Variants in STRIP1 observed in about 807,000 individuals in gnomAD.
STRIP1 encodes the protein striatin interacting protein 1.
A neutral mutation model predicts 106.2 loss-of-function variants in STRIP1; 63 were observed. The observed-to-expected ratio is 0.59, with a 90% CI of 0.48 to 0.73. The LOEUF (loss-of-function observed/expected upper bound fraction) is 0.73. STRIP1 is among the 30% of genes least tolerant of loss of function. The pLI is 0.00. For synonymous variants in STRIP1, 390 were observed against 413.0 expected, an observed-to-expected ratio of 0.94 and a Z score of 0.67; for missense variants, 857 against 1,074.8, an observed-to-expected ratio of 0.80 and a Z score of 2.83.
intron 19 of STRIP1, 90 bp from the exon 20 acceptor site, chr1:110,051,593 A>G: frequency 7.6e-7 from 1 of 1,319,926 alleles, no homozygotes; most frequent in Non-Finnish European, 1.1e-6. Flanking sequence ...CCTGACAGTA[A>G]CTTCCAAAGG....
rs571952050 is a variant in STRIP1, at chr1:110,052,721, C to T, written c.2266+834C>T. 5.9e-5 allele frequency among the ~76,000 whole-genome samples: 9 copies of T among 152,252 alleles called. No homozygotes were observed. In the South Asian group the frequency reaches 1.0e-3, roughly 18 times the overall value. On this transcript the variant is annotated intron_variant, in intron 20 of 20. Coordinates refer to ENST00000369795, the MANE Select transcript of STRIP1 (RefSeq NM_033088.4). ...CTGGCCTCAAGAGATGCACCCACCT[C>T]GGCCTCCCAAAGTGCTGGGATTACA...
rs572525280 is a variant in STRIP1 at position 110,047,534 on chromosome 1, G to A, written c.1489-8G>A. Reference sequence around the variant, plus strand: ...GGGGTTTTATGCTTGTACTCATTATGTTAAAAGGGAGAAGAAGAAGTTGAG... The same window carrying A: ...GGGGTTTTATGCTTGTACTCATTATATTAAAAGGGAGAAGAAGAAGTTGAG... On this transcript the variant is annotated splice_region_variant and splice_polypyrimidine_tract_variant and intron_variant, in intron 13 of 20. Coordinates refer to ENST00000369795, the MANE Select transcript of STRIP1 (RefSeq NM_033088.4). 733 of 1,609,070 alleles carry A rather than the reference G, an allele frequency of 4.6e-4. 13 individuals are homozygous for A. The South Asian group carries it at 7.7e-3, about 17-fold the overall frequency.
At chr1:110,043,974 C>G in intron 10 of STRIP1, 118 bp downstream of exon 10, 1 of 969,734 alleles carries the variant, frequency 1.0e-6, no homozygotes, top group South Asian at 1.4e-5. Flanking sequence ...CTGACCGTGG[C>G]TCTGGGATGA....
rs1358287703 is a variant in STRIP1, at chr1:110,053,722, T to C, written c.2324T>C (p.Ile775Thr). Reference sequence around the variant, plus strand: ...GAGGAGTGTGCCCTTCGTGCCAACATTGAACGCTTCAACGCCCGGCGCTAT... The same window carrying C: ...GAGGAGTGTGCCCTTCGTGCCAACACTGAACGCTTCAACGCCCGGCGCTAT... The part of the protein sequence containing the change: ...QAEECALRAN[I>T]ERFNARRYDR... The change falls in exon 21 of 21, where the codon ATT becomes ACT. Residue 775 changes from isoleucine to threonine, a missense_variant. Ile to Thr is a moderately conservative substitution (Grantham distance 89). This residue lies in a region of STRIP1 where 750 missense variants were observed against 989.8 expected (regional missense o/e 0.76). Coordinates refer to ENST00000369795, the MANE Select transcript of STRIP1 (RefSeq NM_033088.4). 1.2e-6 allele frequency: 2 copies of C among 1,614,078 alleles called. No individual in the cohort carries two copies. The highest frequency in any genetic ancestry group is 1.7e-5 in the Admixed American group (1 of 60,028).
intron 17 of STRIP1, 192 bp downstream of exon 17, chr1:110,049,752 C>G: frequency 1.8e-6 from 1 of 564,960 alleles, no homozygotes; most frequent in Non-Finnish European, 3.1e-6. Flanking sequence ...TCTAGCTAGT[C>G]CTGCCCCAGG....
chr1:110,044,882 A>AT lies in STRIP1; in HGVS notation c.1332dup (p.Ile445TyrfsTer8). The AT allele has an allele frequency of 6.2e-7, 1 of 1,614,124 alleles. No homozygotes were observed. The highest frequency in any genetic ancestry group is 8.5e-7 in the Non-Finnish European group (1 of 1,180,034). ...TGTTCCTTGAGTCCAGCCGCAGCAA[A>AT]TTTATAGGTTACACTCTAGGCAGGT... On this transcript the variant is annotated frameshift_variant, in exon 11 of 21. Transcript: ENST00000369795. LOFTEE classifies it high-confidence loss of function.
chr1:110,040,718 A>C lies in STRIP1; in HGVS notation c.650+15A>C, dbSNP rs1276502156. ...ACAGACCTCAGGTGAGGCGAGCAGC[A>C]AGCCTGGGCTCCTGAGCGTTAGTCA... On this transcript the variant is annotated intron_variant, in intron 6 of 20. Transcript: ENST00000369795. 3 of 1,604,664 alleles carry C rather than the reference A, an allele frequency of 1.9e-6. No individual in the cohort carries two copies.
intron 12 of STRIP1, chr1:110,045,479 TAAAAAAAAAAAAAA>T (rs778489038): frequency 9.7e-6 from 1 of 102,936 alleles, no homozygotes; most frequent in African/African-American, 3.7e-5. Flanking sequence ...CCGGATTCTT[TAAAAAAAAAAAAAA>T]AAAAAAAAAG....
rs373115848 is a variant in STRIP1 at position 110,037,973 on chromosome 1, C to T, written c.250+13C>T. ...GCAGAGCTCTCGGGTAACGCACAGA[C>T]CTTTGTGTTATTTGGGGGTGGTTTT... On this transcript the variant is annotated intron_variant, in intron 2 of 20. Coordinates refer to ENST00000369795, the MANE Select transcript of STRIP1 (RefSeq NM_033088.4). The T allele has an allele frequency of 1.3e-6, 2 of 1,584,188 alleles. No homozygotes were observed. Among genetic ancestry groups the T allele is most frequent in the African/African-American group, 1.4e-5 (1 of 73,668 alleles).
upstream of STRIP1, among the ~76,000 whole-genome samples, chr1:110,034,198 G>C (rs1421131884): frequency 6.6e-6 from 1 of 152,172 alleles, no homozygotes; most frequent in East Asian, 1.9e-4. Flanking sequence ...CCACTGCTTG[G>C]TGCACAGGAG....
In STRIP1 at chr1:110,050,943, G is replaced by T; in HGVS notation, c.1957-13G>T. 1 of 1,511,514 alleles carries T rather than the reference G, an allele frequency of 6.6e-7. No individual in the cohort carries two copies. The allele number at this position is 1,511,514 out of a possible 1,614,324, so 93.6% of individuals were successfully genotyped here. On this transcript the variant is annotated splice_polypyrimidine_tract_variant and intron_variant, in intron 18 of 20. Transcript: ENST00000369795. ...AGCCATGAGGGCTGATTGTTCCTGG[G>T]TTTACCCTGCAGGAAGCAGGTGACA... is the stretch of plus-strand genomic sequence containing the variant.
In STRIP1 at chr1:110,050,621, G is replaced by A. The variant is rs140383839; in HGVS notation, c.1956+212G>A. Among the ~76,000 whole-genome samples the A allele has an allele frequency of 5.9e-5, 9 of 152,370 alleles. No individual in the cohort carries two copies. In the East Asian group the frequency reaches 1.7e-3, roughly 29 times the overall value. On this transcript the variant is annotated intron_variant, in intron 18 of 20. Coordinates refer to ENST00000369795, the MANE Select transcript of STRIP1 (RefSeq NM_033088.4). ...TTTGGATTTAGGGATTAGTCAGGGA[G>A]TGTGGTCTTCAGGGGCTGCTGATCC...
intron 6 of STRIP1, among the ~76,000 whole-genome samples, 170 bp downstream of exon 6, chr1:110,040,873 C>T (rs1652726912): frequency 6.6e-6 from 1 of 152,096 alleles, no homozygotes; most frequent in Non-Finnish European, 1.5e-5. Flanking sequence ...AGGGCTCGTC[C>T]TAGGTGGGAC....
Position 110,041,721 on chromosome 1 carries a change from G to A in STRIP1, c.758-13G>A, listed in dbSNP as rs368268643. The A allele has an allele frequency of 3.4e-5, 55 of 1,614,124 alleles. No homozygotes were observed. In the African/African-American group the frequency reaches 6.4e-4, roughly 19 times the overall value. On this transcript the variant is annotated splice_polypyrimidine_tract_variant and intron_variant, in intron 7 of 20. Transcript: ENST00000369795. ...GCTTTGGGAGGGTCCTGATACCTTT[G>A]TGTCACCTCCAGGCTCCCCGCTGTA... is the stretch of plus-strand genomic sequence containing the variant.
intron 1 of STRIP1, among the ~76,000 whole-genome samples, chr1:110,036,602 G>A (rs1181917728): frequency 6.6e-6 from 1 of 152,190 alleles, no homozygotes; most frequent in Admixed American, 6.5e-5. Context: ...TCGGTAGTTT[G>A]GGAGCCTGAT....
intron 8 of STRIP1, 55 bp downstream of exon 8, chr1:110,041,916 C>G: frequency 6.5e-7 from 1 of 1,545,866 alleles, no homozygotes; most frequent in Non-Finnish European, 8.9e-7. Flanking sequence ...AGTAGGGAGA[C>G]TGTTCCTTGA....
chr1:110,050,567 A>C (rs1051535580), intron 18 of STRIP1, among the ~76,000 whole-genome samples, 158 bp downstream of exon 18: 18 of 152,242 alleles, frequency 1.2e-4, no homozygotes, highest in African/African-American at 4.3e-4. Context: ...CAGAAGGGCC[A>C]GGAGGAGGGC....
chr1:110,052,891 G>C (rs1653371045), intron 20 of STRIP1, among the ~76,000 whole-genome samples: 2 of 152,190 alleles, frequency 1.3e-5, no homozygotes, highest in Non-Finnish European at 2.9e-5. Context: ...TCAACATGCA[G>C]ATCCTGTGCT....
rs769069324 is a variant in STRIP1 at position 110,044,874 on chromosome 1, C to T, written c.1321C>T (p.Arg441Cys). 1.9e-6 allele frequency: 3 copies of T among 1,614,002 alleles called. No individual in the cohort carries two copies. Among genetic ancestry groups the T allele is most frequent in the African/African-American group, 1.3e-5 (1 of 74,890 alleles). Residue 441 changes from arginine (R) to cysteine (C), a missense_variant, in exon 11 of 21, where the codon CGC becomes TGC. Around this residue, in one of 2 missense-constraint regions of STRIP1, gnomAD observed 750 missense variants for 989.8 expected, o/e 0.76. Coordinates refer to ENST00000369795, the MANE Select transcript of STRIP1 (RefSeq NM_033088.4). ...KDIEMFLESS[R>C]SKFIGYTLGS... The stretch of plus-strand genomic sequence containing the variant: ...CATTGAGATGTTCCTTGAGTCCAGC[C>T]GCAGCAAATTTATAGGTTACACTCT...
Sources: allele counts gnomAD v4.1 joint callset (sites outside exome capture counted in the v4.1 genomes callset), GRCh38; gene constraint gnomAD v4.1.1; regional missense constraint gnomAD v4.1.1; transcripts MANE v1.5; gene names NCBI Gene and HGNC (gene_info 2026-07-23, HGNC 2026-07-21).